The following SH3PXD2A variants were observed in gnomAD, a reference collection of about 807,000 sequenced individuals.
SH3PXD2A encodes the protein SH3 and PX domains 2A.
SH3PXD2A carries 32 observed loss-of-function variants against 115.2 expected under a neutral mutation model. That is an observed-to-expected ratio of 0.28 (90% CI 0.21 to 0.37). The LOEUF (loss-of-function observed/expected upper bound fraction) is 0.37. SH3PXD2A is among the 10% of genes least tolerant of loss of function. SH3PXD2A has a pLI of 1.00. For synonymous variants in SH3PXD2A, 610 were observed against 629.1 expected (o/e 0.97, Z 0.45); for missense variants, 1,328 against 1,498.7 (o/e 0.89, Z 1.88).
intron 1 of SH3PXD2A, among the ~76,000 whole-genome samples, chr10:103,826,773 C>T (rs1363208716): frequency 1.3e-5 from 2 of 152,162 alleles, no homozygotes; most frequent in Non-Finnish European, 2.9e-5. Context: ...GAATCTTCAG[C>T]ACCTGATATG....
intron 1 of SH3PXD2A, among the ~76,000 whole-genome samples, chr10:103,831,536 A>G (rs1397235503): frequency 6.6e-6 from 1 of 152,198 alleles, no homozygotes; most frequent in Non-Finnish European, 1.5e-5. Flanking sequence ...TTTAACGTGT[A>G]CAATTTGGCT....
chr10:103,677,135 G>A (rs1424750458), intron 6 of SH3PXD2A, among the ~76,000 whole-genome samples: 1 of 152,208 alleles, frequency 6.6e-6, no homozygotes, highest in Non-Finnish European at 1.5e-5. Flanking sequence ...TCCCCTCCCC[G>A]GACAACAAAA....
chr10:103,790,882 T>C (rs1044902190), intron 2 of SH3PXD2A, among the ~76,000 whole-genome samples: 1 of 152,246 alleles, frequency 6.6e-6, no homozygotes, highest in African/African-American at 2.4e-5. Context: ...GCTTCCTGGT[T>C]GGAAAACTTA....
chr10:103,839,764 G>A (rs577857352), intron 1 of SH3PXD2A, among the ~76,000 whole-genome samples: 23 of 152,334 alleles, frequency 1.5e-4, no homozygotes, highest in African/African-American at 5.3e-4. Flanking sequence ...TTACAGAGAA[G>A]GAAATTGAGG....
chr10:103,630,544 T>C (rs2036762924), intron 8 of SH3PXD2A, among the ~76,000 whole-genome samples: 1 of 151,748 alleles, frequency 6.6e-6, no homozygotes, highest in South Asian at 2.1e-4. Context: ...AAAACCTGAG[T>C]CCCACAAAAC....
chr10:103,786,360 CT>C (rs576504245), intron 2 of SH3PXD2A, among the ~76,000 whole-genome samples: 1 of 152,182 alleles, frequency 6.6e-6, no homozygotes, highest in Non-Finnish European at 1.5e-5. Context: ...ACCCTCATCT[CT>C]TTTTTTTAAA....
At chr10:103,847,416 C>A (rs1210381219) in intron 1 of SH3PXD2A, among the ~76,000 whole-genome samples, 1 of 152,082 alleles carries the variant, frequency 6.6e-6, no homozygotes, top group Admixed American at 6.5e-5. Flanking sequence ...TGGGCTCCAG[C>A]CATCCTCCCA....
Position 103,773,413 on chromosome 10 carries a change from A to C in SH3PXD2A, c.154-6244T>G, listed in dbSNP as rs76163901. ...GAAGAAGAGAGGGACAATAATGATA[A>C]GTGTGGTTTTTCTTCTCTTTTCTTT... On this transcript the variant is annotated intron_variant, in intron 2 of 14. Coordinates refer to ENST00000369774, the MANE Select transcript of SH3PXD2A (RefSeq NM_001394015.1). Among the ~76,000 whole-genome samples the C allele has an allele frequency of 2.3e-3, 350 of 151,386 alleles. 6 individuals are homozygous for C. In the East Asian group the frequency reaches 0.045, roughly 20 times the overall value.
intron 11 of SH3PXD2A, among the ~76,000 whole-genome samples, chr10:103,615,486 GTGTGTGTGTGTGTGTGTGTGT>G (rs2036500622): frequency 1.3e-4 from 4 of 31,246 alleles, no homozygotes; most frequent in East Asian, 1.7e-3. Context: ...GTGCGAGGGT[GTGTGTGTGTGTGTGTGTGTGT>G]GTGTGTGTGT....
Position 103,627,120 on chromosome 10 carries a change from G to A in SH3PXD2A, c.687C>T (p.Asp229=), listed in dbSNP as rs1353902206. The A allele has an allele frequency of 1.2e-6, 2 of 1,612,222 alleles. No homozygotes were observed. The highest frequency in any genetic ancestry group is 1.7e-6 in the Non-Finnish European group (2 of 1,178,380). Residue 229 remains aspartate (D), a synonymous_variant, in exon 9 of 15, where the codon GAC becomes GAT. Coordinates refer to ENST00000369774, the MANE Select transcript of SH3PXD2A (RefSeq NM_001394015.1). This position sits in a 1 kb window ranked among gnomAD's most constrained non-coding sequence, Gnocchi z 4.4. ...YLEAQNGTRD[D]SDINTSKTGE... is the part of the protein sequence containing the mutation. ...CAGTCTTAGAGGTGTTGATGTCGGA[G>A]TCATCCCGAGTACCATTCTGGGCCT...
At chr10:103,687,384 T>C (rs1010807603) in intron 6 of SH3PXD2A, among the ~76,000 whole-genome samples, 6 of 152,208 alleles carry the variant, frequency 3.9e-5, no homozygotes, top group Admixed American at 3.3e-4. Flanking sequence ...ACAGGTGAGA[T>C]AATCTGTTCT....
chr10:103,648,546 C>T (rs553790948), intron 8 of SH3PXD2A, among the ~76,000 whole-genome samples: 1 of 152,374 alleles, frequency 6.6e-6, no homozygotes, highest in South Asian at 2.1e-4. Context: ...CTTGGATAAT[C>T]TTGTCCTCAT....
intron 1 of SH3PXD2A, among the ~76,000 whole-genome samples, chr10:103,842,485 C>T (rs1418634708): frequency 6.6e-6 from 1 of 152,122 alleles, no homozygotes; most frequent in African/African-American, 2.4e-5. Context: ...CTATCAAATA[C>T]TAAAACGTAT....
At chr10:103,808,532 C>T (rs532323762) in intron 1 of SH3PXD2A, among the ~76,000 whole-genome samples, 104 of 152,072 alleles carry the variant, frequency 6.8e-4, no homozygotes, top group African/African-American at 2.3e-3. Context: ...ATTACAGATG[C>T]GAGCTACCAT....
chr10:103,847,794 C>T (rs1269133157), intron 1 of SH3PXD2A, among the ~76,000 whole-genome samples: 1 of 152,154 alleles, frequency 6.6e-6, no homozygotes, highest in African/African-American at 2.4e-5. Flanking sequence ...CAAAAATTAG[C>T]TGCGTGTGGT....
intron 8 of SH3PXD2A, among the ~76,000 whole-genome samples, chr10:103,641,848 A>C (rs1037891562): frequency 5.9e-5 from 9 of 152,130 alleles, no homozygotes; most frequent in Non-Finnish European, 1.2e-4. Context: ...ACGAGATCTC[A>C]CCCAAGGGCT....
intron 1 of SH3PXD2A, among the ~76,000 whole-genome samples, chr10:103,807,728 T>C (rs1564894143): frequency 1.3e-5 from 2 of 152,374 alleles, no homozygotes; most frequent in East Asian, 3.9e-4. Context: ...TCTAGGGTCC[T>C]TGAGGTCATA....
At chr10:103,853,631 T>A (rs1157699757) in intron 1 of SH3PXD2A, among the ~76,000 whole-genome samples, 1 of 152,212 alleles carries the variant, frequency 6.6e-6, no homozygotes, top group Non-Finnish European at 1.5e-5. Context: ...TACCAGTGTG[T>A]CCTGCATCTG....
intron 2 of SH3PXD2A, among the ~76,000 whole-genome samples, chr10:103,785,529 A>G (rs1211247852): frequency 1.3e-5 from 2 of 152,158 alleles, no homozygotes; most frequent in Non-Finnish European, 2.9e-5. Context: ...CAGGGAAGGG[A>G]GGAAGCAGTC....
Sources: allele counts gnomAD v4.1 joint callset (sites outside exome capture counted in the v4.1 genomes callset), GRCh38; gene constraint gnomAD v4.1.1; non-coding constraint Gnocchi (gnomAD v3.1); transcripts MANE v1.5; gene names NCBI Gene and HGNC (gene_info 2026-07-23, HGNC 2026-07-21).